Variants in DCUN1D4 observed in about 807,000 individuals in gnomAD.
The protein encoded by DCUN1D4 is defective in cullin neddylation 1 domain containing 4.
In DCUN1D4, 22 loss-of-function variants were observed where a neutral mutation model predicts 47.9. The observed-to-expected ratio is 0.46, with a 90% CI of 0.33 to 0.66. The LOEUF (loss-of-function observed/expected upper bound fraction) is 0.66. Ranked by LOEUF, DCUN1D4 falls within the 30% of genes least tolerant of loss-of-function variation. DCUN1D4 has a pLI of 0.02. For synonymous variants in DCUN1D4, 121 were observed against 112.2 expected, an observed-to-expected ratio of 1.08 and a Z score of -0.50; for missense variants, 301 against 340.8, an observed-to-expected ratio of 0.88 and a Z score of 0.92.
intron 1 of DCUN1D4, among the ~76,000 whole-genome samples, chr4:51,853,709 T>G (rs956640275): frequency 6.6e-6 from 1 of 152,150 alleles, no homozygotes; most frequent in African/African-American, 2.4e-5. Flanking sequence ...GTATTTGGTG[T>G]TTTTCAGTCT....
intron 5 of DCUN1D4, chr4:51,884,355 T>G (rs2110030810): frequency 6.6e-6 from 1 of 152,310 alleles, no homozygotes; most frequent in Non-Finnish European, 1.5e-5. Flanking sequence ...TGTATTGAGG[T>G]TACTCCTGTA....
chr4:51,844,510 G>A, intron 1 of DCUN1D4: 1 of 610,872 alleles, frequency 1.6e-6, no homozygotes, highest in South Asian at 7.1e-5. Context: ...GGCCGGGTCG[G>A]GGGCTTGGCG....
At chr4:51,843,005 G>A (rs1577793909), upstream of DCUN1D4, 10 of 1,306,464 alleles carry the variant, frequency 7.7e-6, no homozygotes, top group East Asian at 2.1e-4. Flanking sequence ...TGGCCAGTGG[G>A]GGGCGGGGCC....
intron 1 of DCUN1D4, among the ~76,000 whole-genome samples, chr4:51,849,209 G>A (rs778537471): frequency 1.3e-5 from 2 of 152,188 alleles, no homozygotes; most frequent in African/African-American, 4.8e-5. Flanking sequence ...CTGTGAACCT[G>A]AGGCTGGAGG....
At chr4:51,873,436 G>A (rs1727207469) in intron 3 of DCUN1D4, among the ~76,000 whole-genome samples, 1 of 152,170 alleles carries the variant, frequency 6.6e-6, no homozygotes. Flanking sequence ...AACTTAAGAC[G>A]GCCTGAAGCA....
At chr4:51,888,724 C>CAAA (rs71193044) in intron 6 of DCUN1D4, among the ~76,000 whole-genome samples, 2 of 81,272 alleles carry the variant, frequency 2.5e-5, no homozygotes, top group African/African-American at 3.6e-5. Context: ...ACTCCATCTC[C>CAAA]AAAAAAAAAA....
At chr4:51,880,587 C>G (rs1728444300) in intron 5 of DCUN1D4, among the ~76,000 whole-genome samples, 1 of 152,188 alleles carries the variant, frequency 6.6e-6, no homozygotes, top group Non-Finnish European at 1.5e-5. Flanking sequence ...TCATCCTCTG[C>G]ACATTCTAGG....
At chr4:51,873,826 T>C (rs1350158946) in intron 3 of DCUN1D4, among the ~76,000 whole-genome samples, 2 of 152,276 alleles carry the variant, frequency 1.3e-5, no homozygotes, top group Admixed American at 6.5e-5. Context: ...AAATCAGATA[T>C]CTCTTGAAGC....
At chr4:51,834,114 C>CT in the DCUN1D4 span, among the ~76,000 whole-genome samples, 2,467 of 37,188 alleles carry the variant, frequency 0.066, 254 homozygotes, top group East Asian at 0.16. Flanking sequence ...TTTTTTTTTT[C>CT]TTTTTTTTTT....
At chr4:51,869,038 A>C (rs1293420096) in intron 3 of DCUN1D4, among the ~76,000 whole-genome samples, 1 of 149,628 alleles carries the variant, frequency 6.7e-6, no homozygotes, top group Non-Finnish European at 1.5e-5. Flanking sequence ...GAATTGCTTG[A>C]ATCTGGACCC....
intron 8 of DCUN1D4, among the ~76,000 whole-genome samples, chr4:51,906,249 T>C (rs1382242036): frequency 2.0e-5 from 3 of 152,142 alleles, no homozygotes; most frequent in Non-Finnish European, 4.4e-5. Flanking sequence ...TCTGAGGCTG[T>C]GTTTCAGGAA....
chr4:51,850,527 T>C (rs543171779), intron 1 of DCUN1D4, among the ~76,000 whole-genome samples: 1 of 152,300 alleles, frequency 6.6e-6, no homozygotes, highest in South Asian at 2.1e-4. Flanking sequence ...CTGTGTGCGC[T>C]TCAGAGCCCT....
intron 1 of DCUN1D4, 115 bp downstream of exon 1, chr4:51,843,382 G>T (rs1253585763): frequency 2.2e-6 from 3 of 1,367,336 alleles, no homozygotes; most frequent in African/African-American, 3.0e-5. Flanking sequence ...GGGAGCCCCT[G>T]CCTGGGAACC....
chr4:51,889,048 G>A (rs28712298), intron 6 of DCUN1D4, among the ~76,000 whole-genome samples: 62,832 of 151,968 alleles, frequency 0.41, 15,659 homozygotes, highest in African/African-American at 0.7. Context: ...GGTGGAGGTT[G>A]CAGTGAGCCG....
intron 3 of DCUN1D4, among the ~76,000 whole-genome samples, chr4:51,869,986 G>T (rs1726621097): frequency 6.6e-6 from 1 of 152,134 alleles, no homozygotes; most frequent in African/African-American, 2.4e-5. Context: ...GCTTTCCTAA[G>T]TGTCATGTAA....
chr4:51,868,682 C>A (rs1726359321), intron 3 of DCUN1D4, among the ~76,000 whole-genome samples: 2 of 152,188 alleles, frequency 1.3e-5, no homozygotes, highest in Non-Finnish European at 2.9e-5. Context: ...AAACCTAAGT[C>A]ACAGAGATCG....
chr4:51,911,490 AAAG>A (rs1187832272), intron 9 of DCUN1D4, among the ~76,000 whole-genome samples: 1 of 152,192 alleles, frequency 6.6e-6, no homozygotes, highest in Non-Finnish European at 1.5e-5. Flanking sequence ...AACAATAGAA[AAAG>A]AAGATTTACT....
At chr4:51,869,606 TA>T (rs201594889) in intron 3 of DCUN1D4, among the ~76,000 whole-genome samples, 2 of 150,942 alleles carry the variant, frequency 1.3e-5, no homozygotes, top group Non-Finnish European at 1.5e-5. Flanking sequence ...GCAGAAAGAT[TA>T]AAAAAAAAGG....
chr4:51,869,563 C>G (rs1031523621), intron 3 of DCUN1D4, among the ~76,000 whole-genome samples: 1 of 151,816 alleles, frequency 6.6e-6, no homozygotes, highest in Non-Finnish European at 1.5e-5. Context: ...TTTTGTAAAC[C>G]TCTTGTACTC....
Sources: allele counts gnomAD v4.1 joint callset (sites outside exome capture counted in the v4.1 genomes callset), GRCh38; gene constraint gnomAD v4.1.1; transcripts MANE v1.5; gene names NCBI Gene and HGNC (gene_info 2026-07-23, HGNC 2026-07-21).